CABLES1: variants seen among roughly 807,000 people sequenced by gnomAD.
The protein encoded by CABLES1 is CDK5 and ABL1 enzyme substrate 1.
A neutral mutation model predicts 57.8 loss-of-function variants in CABLES1; 36 were observed. That is an observed-to-expected ratio of 0.62 (90% CI 0.48 to 0.82). CABLES1 has a LOEUF of 0.82. CABLES1 is among the 40% of genes least tolerant of loss of function. CABLES1 has a pLI of 0.00. For missense variants in CABLES1, 767 were observed against 836.6 expected, an observed-to-expected ratio of 0.92 and a Z score of 1.03; for synonymous variants, 374 against 363.0, an observed-to-expected ratio of 1.03 and a Z score of -0.35.
chr18:23,256,301 C>T (rs1352460823), intron 9 of CABLES1, among the ~76,000 whole-genome samples: 2 of 152,138 alleles, frequency 1.3e-5, no homozygotes, highest in Non-Finnish European at 2.9e-5. Flanking sequence ...TGGGTGGGCA[C>T]GCAAGATGCC....
intron 7 of CABLES1, among the ~76,000 whole-genome samples, chr18:23,249,462 A>G (rs2145124895): frequency 6.6e-6 from 1 of 152,276 alleles, no homozygotes; most frequent in South Asian, 2.1e-4. Context: ...GCACATAGAA[A>G]TCAGCTGGAA....
At chr18:23,235,747 A>T (rs2047602360) in intron 5 of CABLES1, 148 bp from the exon 6 acceptor site, 1 of 870,396 alleles carries the variant, frequency 1.1e-6, no homozygotes, top group South Asian at 1.7e-5. Flanking sequence ...ACCAAAACAA[A>T]TTTCATTTTT....
intron 4 of CABLES1, among the ~76,000 whole-genome samples, chr18:23,230,814 T>C (rs1234095871): frequency 6.6e-6 from 1 of 152,214 alleles, no homozygotes; most frequent in African/African-American, 2.4e-5. Context: ...CCTACTGTAA[T>C]GCCTAGGATT....
At chr18:23,187,631 C>A (rs1367967295) in intron 1 of CABLES1, among the ~76,000 whole-genome samples, 1 of 152,208 alleles carries the variant, frequency 6.6e-6, no homozygotes, top group Non-Finnish European at 1.5e-5. Context: ...AGGTGATCAG[C>A]CTGCCTCGGC....
intron 9 of CABLES1, among the ~76,000 whole-genome samples, chr18:23,256,785 TTTA>T (rs1305071231): frequency 1.3e-5 from 2 of 152,210 alleles, no homozygotes; most frequent in African/African-American, 4.8e-5. Context: ...ACCGGTTTGC[TTTA>T]TTTTCAGTCT....
chr18:23,181,472 G>T (rs2047165572), intron 1 of CABLES1, among the ~76,000 whole-genome samples: 1 of 106,460 alleles, frequency 9.4e-6, no homozygotes, highest in Admixed American at 1.3e-4. Context: ...CTCCAGCCTG[G>T]GCAACAAGAG....
At chr18:23,252,933 T>C in intron 7 of CABLES1, 27 bp from the exon 8 acceptor site, 1 of 1,443,178 alleles carries the variant, frequency 6.9e-7, no homozygotes, top group Non-Finnish European at 9.8e-7. Context: ...TTTTAAGGAG[T>C]GATCCGTGTT....
rs760845340 is a variant in CABLES1 at position 23,144,938 on chromosome 18, C to CT, written c.845+8342dup. ...CCACACATCCTTTTTTTTTTTCTTT[C>CT]TTTTTTTTTTTCTTTGAGACGGAGC... On this transcript the variant is annotated intron_variant, in intron 1 of 9. Transcript: ENST00000256925. Among the ~76,000 whole-genome samples the CT allele has an allele frequency of 3.1e-3, 435 of 141,658 alleles. 3 individuals are homozygous for CT. The highest frequency in any genetic ancestry group is 9.6e-3 in the African/African-American group (362 of 37,840). The allele number at this position is 141,658 out of a possible 152,430, so 92.9% of individuals were successfully genotyped here.
At chr18:23,213,143 G>A (rs1382184553) in intron 3 of CABLES1, among the ~76,000 whole-genome samples, 1 of 152,152 alleles carries the variant, frequency 6.6e-6, no homozygotes, top group Non-Finnish European at 1.5e-5. Context: ...CCTGATGCAT[G>A]TAGTAGTAGA....
intron 3 of CABLES1, among the ~76,000 whole-genome samples, chr18:23,198,828 T>C (rs1461373301): frequency 6.6e-6 from 1 of 152,222 alleles, no homozygotes; most frequent in Non-Finnish European, 1.5e-5. Context: ...GCTCCATGAG[T>C]CCCATTTCCA....
intron 5 of CABLES1, among the ~76,000 whole-genome samples, chr18:23,235,322 G>A (rs1329524623): frequency 6.6e-6 from 1 of 152,266 alleles, no homozygotes; most frequent in Admixed American, 6.5e-5. Context: ...CGATGAGGCT[G>A]CTGGGAGCTC....
intron 4 of CABLES1, among the ~76,000 whole-genome samples, chr18:23,221,155 G>A (rs1357999068): frequency 1.3e-5 from 2 of 152,208 alleles, no homozygotes; most frequent in Non-Finnish European, 2.9e-5. Flanking sequence ...GTGCAGCATT[G>A]TTGCATTAGA....
At chr18:23,166,554 T>C (rs2047044160) in intron 1 of CABLES1, among the ~76,000 whole-genome samples, 1 of 152,196 alleles carries the variant, frequency 6.6e-6, no homozygotes, top group Admixed American at 6.5e-5. Flanking sequence ...CAAAAAGGAA[T>C]ACTTGCATGA....
Position 23,184,596 on chromosome 18 carries a change from G to A in CABLES1, c.846-4242G>A, listed in dbSNP as rs563609992. On this transcript the variant is annotated intron_variant, in intron 1 of 9. Coordinates refer to ENST00000256925, the MANE Select transcript of CABLES1 (RefSeq NM_001100619.3). ...CGCGCACCTGTAATCCCAGCTACTC[G>A]AGAGGCTGAGGCACAAGAATTGATT... 1.1e-4 allele frequency among the ~76,000 whole-genome samples: 17 copies of A among 152,184 alleles called. No individual in the cohort carries two copies. In the South Asian group the frequency reaches 3.1e-3, roughly 28 times the overall value.
At chr18:23,227,825 T>C (rs1452325575) in intron 4 of CABLES1, among the ~76,000 whole-genome samples, 1 of 152,240 alleles carries the variant, frequency 6.6e-6, no homozygotes, top group Non-Finnish European at 1.5e-5. Flanking sequence ...TCTCACTCCT[T>C]ATTCTCTTTG....
intron 1 of CABLES1, among the ~76,000 whole-genome samples, chr18:23,137,624 T>C (rs1213693323): frequency 1.3e-5 from 2 of 152,212 alleles, no homozygotes; most frequent in African/African-American, 4.8e-5. Flanking sequence ...AGAATTTCTC[T>C]CTCCTATCAT....
chr18:23,190,569 T>C (rs2047235050), intron 2 of CABLES1: 1 of 152,172 alleles, frequency 6.6e-6, no homozygotes, highest in Non-Finnish European at 1.5e-5. Flanking sequence ...TCACCCCTCT[T>C]CACGGAATCC....
At chr18:23,205,461 T>C (rs371382999) in intron 3 of CABLES1, among the ~76,000 whole-genome samples, 28 of 152,284 alleles carry the variant, frequency 1.8e-4, no homozygotes, top group African/African-American at 6.7e-4. Flanking sequence ...CCCAAAGTGC[T>C]AGGATCACAG....
rs1379758922 is a variant in CABLES1 at position 23,253,789 on chromosome 18, G to A, written c.1614G>A (p.Val538=). 1.2e-6 allele frequency: 2 copies of A among 1,614,096 alleles called. No homozygotes were observed. The highest frequency in any genetic ancestry group is 2.2e-5 in the East Asian group (1 of 44,898). ...ACTGTGGCCTTGAGGAGCCCACGGT[G>A]GCCATGGCCTTCGTCTACTTTGAAA... The part of the protein sequence containing the change: ...QEDCGLEEPT[V]AMAFVYFEKL... The change falls in exon 9 of 10, where the codon GTG becomes GTA. Residue 538 remains valine (V), a synonymous_variant. Transcript: ENST00000256925.
Sources: gnomAD v4.1 joint callset for allele counts (sites outside exome capture counted in the v4.1 genomes callset) on GRCh38, gnomAD v4.1.1 for gene constraint, MANE v1.5 for transcripts, NCBI Gene and HGNC (gene_info 2026-07-23, HGNC 2026-07-21) for gene names.